Variants in ADK observed in about 807,000 individuals in gnomAD.
ADK encodes the protein adenosine kinase, also known as N6,N6-dimethyladenosine kinase.
A neutral mutation model predicts 44.7 loss-of-function variants in ADK; 24 were observed. That is an observed-to-expected ratio of 0.54 (90% CI 0.39 to 0.76). The LOEUF (loss-of-function observed/expected upper bound fraction) is 0.76, where lower values mean the gene tolerates loss of function less well. Among genes scored for constraint, ADK ranks in the 30% least tolerant of loss-of-function variants. The pLI, the probability that ADK is intolerant of heterozygous loss-of-function variation, is 0.00. For synonymous variants in ADK, 128 were observed against 142.6 expected (o/e 0.90, Z 0.73); for missense variants, 321 against 425.1 (o/e 0.76, Z 2.15).
chr10:74,671,266 C>T (rs974227983), intron 10 of ADK, among the ~76,000 whole-genome samples: 21 of 151,068 alleles, frequency 1.4e-4, no homozygotes, highest in Non-Finnish European at 2.5e-4. Context: ...GGTGCAATCT[C>T]AGCTCACTGC....
chr10:74,549,680 G>A (rs991896572), intron 7 of ADK, among the ~76,000 whole-genome samples: 14 of 152,188 alleles, frequency 9.2e-5, no homozygotes, highest in South Asian at 4.1e-4. Context: ...CAAGTGATCC[G>A]CCTACCTCGG....
At position 74,226,400 on chromosome 10, in the gene ADK, G is replaced by A. The variant is rs374127196; in HGVS notation, c.194+1809G>A. Among the ~76,000 whole-genome samples the A allele has an allele frequency of 3.7e-4, 57 of 152,194 alleles. No homozygotes were observed. The Middle Eastern group carries it at 0.014, about 36-fold the overall frequency. On this transcript the variant is annotated intron_variant, in intron 3 of 10. Transcript: ENST00000539909. Reference sequence around the variant, plus strand: ...GGGATTATCACAGGCTTGAGCCACCGTGCCCAGCCCCTACATTTTATTACG... The same window carrying A: ...GGGATTATCACAGGCTTGAGCCACCATGCCCAGCCCCTACATTTTATTACG...
chr10:74,521,637 G>A (rs976320578), intron 6 of ADK, among the ~76,000 whole-genome samples: 1 of 152,072 alleles, frequency 6.6e-6, no homozygotes, highest in African/African-American at 2.4e-5. Flanking sequence ...GAAATAGAGG[G>A]GGAAAGCTTT....
chr10:74,187,321 T>G (rs1470338958), intron 1 of ADK, among the ~76,000 whole-genome samples: 1 of 152,242 alleles, frequency 6.6e-6, no homozygotes, highest in Non-Finnish European at 1.5e-5. Context: ...GATATTTGGA[T>G]TATTTTCACT....
intron 2 of ADK, among the ~76,000 whole-genome samples, chr10:74,213,371 C>T (rs1027737418): frequency 2.0e-5 from 3 of 152,128 alleles, no homozygotes; most frequent in Non-Finnish European, 4.4e-5. Context: ...GCTGGGATTA[C>T]ACATGTGAGC....
intron 9 of ADK, among the ~76,000 whole-genome samples, chr10:74,652,050 C>A (rs6480746): frequency 2.8e-5 from 4 of 140,430 alleles, no homozygotes; most frequent in Non-Finnish European, 6.2e-5. Flanking sequence ...TTCTTTCTTT[C>A]TTTTTTTTTT....
At chr10:74,336,406 C>G (rs1841411246) in intron 4 of ADK, among the ~76,000 whole-genome samples, 1 of 152,094 alleles carries the variant, frequency 6.6e-6, no homozygotes, top group Non-Finnish European at 1.5e-5. Context: ...CAATATCATA[C>G]TTCTCTGATT....
intron 1 of ADK, among the ~76,000 whole-genome samples, chr10:74,152,258 C>G (rs1362583713): frequency 1.3e-5 from 2 of 152,164 alleles, no homozygotes; most frequent in Non-Finnish European, 2.9e-5. Context: ...ACTTAGGGGC[C>G]TGGTGGTGTG....
chr10:74,389,385 G>A (rs1459130905), intron 4 of ADK, among the ~76,000 whole-genome samples: 1 of 152,104 alleles, frequency 6.6e-6, no homozygotes, highest in Non-Finnish European at 1.5e-5. Flanking sequence ...CAAAATGATA[G>A]GAAATAGATT....
chr10:74,610,747 A>C (rs975588642), intron 9 of ADK, among the ~76,000 whole-genome samples: 5 of 152,108 alleles, frequency 3.3e-5, no homozygotes, highest in African/African-American at 1.2e-4. Flanking sequence ...TTCTGTGTTT[A>C]TAAACTGGAA....
chr10:74,602,588 A>G (rs1852181605), intron 9 of ADK, among the ~76,000 whole-genome samples: 1 of 152,166 alleles, frequency 6.6e-6, no homozygotes, highest in Non-Finnish European at 1.5e-5. Context: ...CTATTAAGCC[A>G]TTCTTAGGAA....
chr10:74,607,569 T>C (rs192432819), intron 9 of ADK, among the ~76,000 whole-genome samples: 119 of 152,344 alleles, frequency 7.8e-4, no homozygotes, highest in Non-Finnish European at 1.5e-5. Context: ...CTCACTCTCT[T>C]CTGGCTTATA....
At chr10:74,589,421 G>A in intron 8 of ADK, 104 bp downstream of exon 8, 1 of 1,209,690 alleles carries the variant, frequency 8.3e-7, no homozygotes, top group Non-Finnish European at 1.2e-6. Context: ...TACTCTCAGA[G>A]CCTCGCAGCA....
intron 1 of ADK, among the ~76,000 whole-genome samples, chr10:74,168,125 C>T (rs932085256): frequency 6.6e-6 from 1 of 152,184 alleles, no homozygotes; most frequent in African/African-American, 2.4e-5. Flanking sequence ...TCATCTTTCT[C>T]TCCTTAGAAT....
chr10:74,452,665 G>C (rs374182285), intron 6 of ADK, among the ~76,000 whole-genome samples: 12 of 151,724 alleles, frequency 7.9e-5, no homozygotes, highest in African/African-American at 2.9e-4. Flanking sequence ...GTAATATTCA[G>C]GTGTTTTTAA....
chr10:74,324,137 C>T (rs1840924976), intron 4 of ADK, among the ~76,000 whole-genome samples: 1 of 152,152 alleles, frequency 6.6e-6, no homozygotes, highest in Admixed American at 6.5e-5. Context: ...ATCCTCCCAC[C>T]TCTGCCTCCC....
intron 1 of ADK, among the ~76,000 whole-genome samples, chr10:74,160,690 GGTGTGTGT>G (rs779393232): frequency 1.5e-5 from 2 of 136,234 alleles, no homozygotes; most frequent in African/African-American, 2.8e-5. Context: ...TGCAGGTAGG[GGTGTGTGT>G]GTGTGTGTGT....
intron 3 of ADK, among the ~76,000 whole-genome samples, chr10:74,233,719 G>A (rs1201164133): frequency 6.6e-6 from 1 of 152,102 alleles, no homozygotes; most frequent in Non-Finnish European, 1.5e-5. Flanking sequence ...TTCTGTCATT[G>A]TCCATTAAAC....
intron 6 of ADK, among the ~76,000 whole-genome samples, chr10:74,503,278 AGCAAAGGAAAGGAT>A (rs1456497421): frequency 6.6e-6 from 1 of 152,208 alleles, no homozygotes; most frequent in Non-Finnish European, 1.5e-5. Context: ...AAATATCACC[AGCAAAGGAAAGGAT>A]ATAGAAAGGT....
Sources: gnomAD v4.1 joint callset for allele counts (sites outside exome capture counted in the v4.1 genomes callset) on GRCh38, gnomAD v4.1.1 for gene constraint, MANE v1.5 for transcripts, NCBI Gene and HGNC (gene_info 2026-07-23, HGNC 2026-07-21) for gene names.